PRDM11: variants seen among roughly 807,000 people sequenced by gnomAD.
PRDM11 encodes PR domain-containing protein 11.
In PRDM11, 20 loss-of-function variants were observed where a neutral mutation model predicts 97.8. The observed-to-expected ratio is 0.20, with a 90% CI of 0.14 to 0.30. The LOEUF (loss-of-function observed/expected upper bound fraction) is 0.30. PRDM11 is among the 10% of genes least tolerant of loss of function. The probability of loss-of-function intolerance (pLI) is 1.00; values close to 1 mark genes in which losing one functional copy is unlikely to be tolerated. For synonymous variants in PRDM11, 599 were observed against 637.7 expected, an observed-to-expected ratio of 0.94 and a Z score of 0.91; for missense variants, 1,139 against 1,555.2, an observed-to-expected ratio of 0.73 and a Z score of 4.50.
chr11:45,194,893 C>T (rs532588700), intron 4 of PRDM11, among the ~76,000 whole-genome samples: 12 of 152,244 alleles, frequency 7.9e-5, no homozygotes, highest in East Asian at 3.9e-4. Flanking sequence ...CCACCGCGCC[C>T]GGCCAGTTAT....
chr11:45,183,892 G>C (rs1009897248), intron 4 of PRDM11, among the ~76,000 whole-genome samples: 2 of 152,336 alleles, frequency 1.3e-5, no homozygotes, highest in Middle Eastern at 3.4e-3. Flanking sequence ...TGGTGGGCCA[G>C]ATAAGGCAAT....
intron 6 of PRDM11, among the ~76,000 whole-genome samples, chr11:45,220,217 C>A (rs2135842370): frequency 6.6e-6 from 1 of 152,282 alleles, no homozygotes; most frequent in Non-Finnish European, 1.5e-5. Flanking sequence ...TCTGGGAACC[C>A]CTGTGGTTAA....
At chr11:45,187,849 A>T (rs536979799) in intron 4 of PRDM11, among the ~76,000 whole-genome samples, 5 of 150,106 alleles carry the variant, frequency 3.3e-5, no homozygotes, top group Non-Finnish European at 5.9e-5. Context: ...TGTGTTGGGC[A>T]TGGGTTTTTG....
chr11:45,226,668 C>A lies in PRDM11; in HGVS notation c.2043C>A (p.Thr681=). Residue 681 remains threonine (T), a synonymous_variant, in exon 8 of 8, where the codon ACC becomes ACA. Transcript: ENST00000683152. ...CGGTGGCTGTCTATGTTCAGTACAC[C>A]AGCAGTGATGGGCCCCCGGCCACAG... ...ADTVAVYVQY[T]SSDGPPATEF... 6.5e-7 allele frequency: 1 copy of A among 1,533,984 alleles called. No homozygotes were observed. The highest frequency in any genetic ancestry group is 8.7e-7 in the Non-Finnish European group (1 of 1,146,736).
At chr11:45,122,070 A>T (rs748919832) in intron 1 of PRDM11, among the ~76,000 whole-genome samples, 6 of 152,132 alleles carry the variant, frequency 3.9e-5, no homozygotes, top group Non-Finnish European at 8.8e-5. Flanking sequence ...AGTAAAGATG[A>T]AAGCAGAAAT....
intron 4 of PRDM11, among the ~76,000 whole-genome samples, chr11:45,203,429 T>TAA (rs972308956): frequency 4.2e-5 from 6 of 142,262 alleles, no homozygotes; most frequent in Non-Finnish European, 7.7e-5. Flanking sequence ...AGGTACTCAT[T>TAA]AAAAAAAAAA....
intron 1 of PRDM11, among the ~76,000 whole-genome samples, chr11:45,115,443 C>G (rs1387018734): frequency 6.6e-6 from 1 of 151,792 alleles, no homozygotes; most frequent in African/African-American, 2.4e-5. Context: ...ATTGATAGGC[C>G]TATACTCAAC....
chr11:45,134,974 A>G (rs545370922), intron 1 of PRDM11, among the ~76,000 whole-genome samples: 1 of 152,120 alleles, frequency 6.6e-6, no homozygotes, highest in Non-Finnish European at 1.5e-5. Context: ...GATACAAAAA[A>G]AGGCATTGGT....
chr11:45,124,568 A>G lies in PRDM11; in HGVS notation c.96+28667A>G, dbSNP rs372525658. On this transcript the variant is annotated intron_variant, in intron 1 of 6. Coordinates refer to the PRDM11 transcript ENST00000530656. The stretch of plus-strand genomic sequence containing the variant: ...CACGAAGGGTTGTTGAATTTTGTCA[A>G]AGGCCTTTTCTGCATCTATTGAGAT... Among the ~76,000 whole-genome samples the G allele has an allele frequency of 3.3e-5, 5 of 152,216 alleles. No homozygotes were observed. The East Asian group carries it at 7.7e-4, about 23-fold the overall frequency.
At chr11:45,145,157 TAC>T (rs1410072999), upstream of PRDM11, among the ~76,000 whole-genome samples, 2 of 152,136 alleles carry the variant, frequency 1.3e-5, no homozygotes, top group Admixed American at 6.5e-5. Context: ...CATGGCTCCT[TAC>T]ACAGAGCCAG....
chr11:45,120,777 G>T (rs182818290), intron 1 of PRDM11, among the ~76,000 whole-genome samples: 50 of 152,140 alleles, frequency 3.3e-4, no homozygotes, highest in Non-Finnish European at 6.0e-4. Flanking sequence ...TAAGTATGTA[G>T]GTAAACATAA....
chr11:45,139,639 C>T (rs140146762), intron 1 of PRDM11, among the ~76,000 whole-genome samples: 21 of 149,670 alleles, frequency 1.4e-4, no homozygotes, highest in Middle Eastern at 3.5e-3. Context: ...CCTGAAATTT[C>T]ATTTTGGGAA....
At position 45,224,271 on chromosome 11, in the gene PRDM11, A is replaced by T; in HGVS notation, c.797A>T (p.Asp266Val). 1 of 1,613,500 alleles carries T rather than the reference A, an allele frequency of 6.2e-7. No homozygotes were observed. The stretch of plus-strand genomic sequence containing the variant: ...GAGCAGGTTCTGGATAACCCAGAAG[A>T]CCTGAGGGGTCCCATTCATCTCTCT... ...KSEQVLDNPEDLRGPIHLSVL... is the reference protein window; with the variant it reads ...KSEQVLDNPEVLRGPIHLSVL... Residue 266 changes from aspartate to valine, a missense_variant, in exon 7 of 8, where the codon GAC becomes GTC. Around this residue, in one of 2 missense-constraint regions of PRDM11, gnomAD observed 429 missense variants for 510.3 expected, o/e 0.84. Transcript: ENST00000683152.
At chr11:45,197,248 C>T (rs907091648) in intron 4 of PRDM11, among the ~76,000 whole-genome samples, 1 of 152,022 alleles carries the variant, frequency 6.6e-6, no homozygotes, top group East Asian at 1.9e-4. Context: ...AAGCCAGACA[C>T]GGGACAAATA....
At chr11:45,208,411 G>C (rs1263454035) in intron 5 of PRDM11, among the ~76,000 whole-genome samples, 1 of 152,200 alleles carries the variant, frequency 6.6e-6, no homozygotes, top group Admixed American at 6.5e-5. Context: ...TAGGGCTGTA[G>C]GTAAATATCG....
intron 5 of PRDM11, chr11:45,213,809 A>G: frequency 2.3e-6 from 1 of 439,858 alleles, no homozygotes; most frequent in Non-Finnish European, 4.6e-6. Context: ...TGAGAGGGCC[A>G]GGACTGGAAG....
intron 4 of PRDM11, among the ~76,000 whole-genome samples, chr11:45,202,582 G>A (rs1853368260): frequency 6.6e-6 from 1 of 152,206 alleles, no homozygotes; most frequent in African/African-American, 2.4e-5. Context: ...CATGCAAACA[G>A]TCCTGTATGT....
intron 1 of PRDM11, among the ~76,000 whole-genome samples, chr11:45,119,382 C>CT (rs1034730672): frequency 4.6e-5 from 7 of 152,060 alleles, no homozygotes; most frequent in African/African-American, 1.7e-4. Flanking sequence ...AATCCCAGCA[C>CT]TTTGGGAGGC....
chr11:45,209,658 C>CT (rs2135811086), intron 5 of PRDM11, among the ~76,000 whole-genome samples: 1 of 152,246 alleles, frequency 6.6e-6, no homozygotes, highest in South Asian at 2.1e-4. Context: ...CCAGGAGGTC[C>CT]CGAGAGCAGG....
Sources: allele counts gnomAD v4.1 joint callset (sites outside exome capture counted in the v4.1 genomes callset), GRCh38; gene constraint gnomAD v4.1.1; regional missense constraint gnomAD v4.1.1; transcripts MANE v1.5; gene names NCBI Gene and HGNC (gene_info 2026-07-23, HGNC 2026-07-21).